The following DPP6 variants were observed in gnomAD, a reference collection of about 807,000 sequenced individuals.
DPP6 encodes the protein A-type potassium channel modulatory protein DPP6.
A neutral mutation model predicts 122.6 loss-of-function variants in DPP6; 69 were observed. The observed-to-expected ratio is 0.56, with a 90% CI of 0.46 to 0.69. DPP6 has a LOEUF of 0.69. Ranked by LOEUF, DPP6 falls within the 30% of genes least tolerant of loss-of-function variation. The probability of loss-of-function intolerance (pLI) is 0.00; values close to 1 mark genes in which losing one functional copy is unlikely to be tolerated. For missense variants in DPP6, 928 were observed against 1,116.9 expected (o/e 0.83, Z 2.41); for synonymous variants, 418 against 433.1 (o/e 0.97, Z 0.43).
chr7:153,849,452 G>A, the DPP6 span, among the ~76,000 whole-genome samples: 5 of 152,052 alleles, frequency 3.3e-5, no homozygotes, highest in East Asian at 9.7e-4. Flanking sequence ...ACCAGGATTT[G>A]TCTCATTTCC....
At position 154,669,632 on chromosome 7, in the gene DPP6, T is replaced by C. The variant is rs1054756775; in HGVS notation, c.762+191T>C. Among the ~76,000 whole-genome samples the C allele has an allele frequency of 2.0e-5, 3 of 152,116 alleles. No homozygotes were observed. The East Asian group carries it at 5.8e-4, about 29-fold the overall frequency. ...TGTAAAAGGGTCATTTCTTTTTAGA[T>C]AGCAAATTCTCCTAAAATTGGAACA... is the stretch of plus-strand genomic sequence containing the variant. On this transcript the variant is annotated intron_variant, in intron 7 of 25. Transcript: ENST00000377770.
intron 2 of DPP6, among the ~76,000 whole-genome samples, chr7:154,450,633 A>C (rs372651834): frequency 6.6e-6 from 1 of 152,164 alleles, no homozygotes; most frequent in Non-Finnish European, 1.5e-5. Flanking sequence ...GTTGCCTGGA[A>C]CAATCAGGCT....
intron 8 of DPP6, among the ~76,000 whole-genome samples, chr7:154,735,705 GA>G (rs1365772107): frequency 6.6e-6 from 1 of 152,236 alleles, no homozygotes; most frequent in African/African-American, 2.4e-5. Flanking sequence ...GCTCTGACCA[GA>G]AAATGGCTGA....
chr7:154,702,577 C>T (rs973835659), intron 7 of DPP6, among the ~76,000 whole-genome samples: 1 of 152,176 alleles, frequency 6.6e-6, no homozygotes, highest in East Asian at 1.9e-4. Flanking sequence ...TACAGTATTC[C>T]CTGAAGCCAA....
chr7:153,917,330 C>T (rs1481071595), intron 1 of DPP6, among the ~76,000 whole-genome samples: 1 of 152,212 alleles, frequency 6.6e-6, no homozygotes, highest in African/African-American at 2.4e-5. Flanking sequence ...GAACAAATGT[C>T]CTCTTTGCTA....
At chr7:153,907,184 A>T (rs543201578) in intron 1 of DPP6, among the ~76,000 whole-genome samples, 1 of 152,264 alleles carries the variant, frequency 6.6e-6, no homozygotes, top group East Asian at 1.9e-4. Context: ...TTGACTTTCA[A>T]ATAATGGCTT....
At position 154,685,029 on chromosome 7, in the gene DPP6, C is replaced by T. The variant is rs1201855948; in HGVS notation, c.762+15588C>T. Among the ~76,000 whole-genome samples, 4 of 152,300 alleles carry T rather than the reference C, an allele frequency of 2.6e-5. No individual in the cohort carries two copies. In the South Asian group the frequency reaches 6.2e-4, roughly 24 times the overall value. ...ATTAATCAGTCAATGGAAAAGCAAA[C>T]GATCTATACCAGGCTGATGAACTAT... On this transcript the variant is annotated intron_variant, in intron 7 of 25. Transcript: ENST00000377770.
intron 3 of DPP6, among the ~76,000 whole-genome samples, chr7:154,499,754 C>G (rs1012227289): frequency 5.9e-5 from 9 of 152,068 alleles, no homozygotes; most frequent in Admixed American, 2.0e-4. Flanking sequence ...CCCACCAACC[C>G]CCCCAGATCC....
rs548053204 is a variant in DPP6 at position 154,433,136 on chromosome 7, G to GTTTTT, written c.244-13055_244-13051dup. On this transcript the variant is annotated intron_variant, in intron 1 of 25. Coordinates refer to ENST00000377770, the MANE Select transcript of DPP6 (RefSeq NM_130797.4). ...TAATGGCTCTCATACTAGACTGCAA[G>GTTTTT]TTTTTTTTTTTTTTTTTTTTTTTTT... is the stretch of plus-strand genomic sequence containing the variant. Among the ~76,000 whole-genome samples the GTTTTT allele has an allele frequency of 9.2e-3, 668 of 72,338 alleles. 139 individuals are homozygous for GTTTTT. The highest frequency in any genetic ancestry group is 0.036 in the African/African-American group (606 of 16,816). The allele number at this position is 72,338 out of a possible 152,430, so 47.5% of individuals were successfully genotyped here. A position where few individuals can be genotyped will look rare whatever the true frequency, so the allele number is the denominator to read the frequency against.
At position 154,088,326 on chromosome 7, in the gene DPP6, C is replaced by T. The variant is rs866314781; in HGVS notation, c.243+35263C>T. ...CACGTGGCAACACCAACCACGATGC[C>T]TGCCGTTTTCCCTGAGATGTTCTGT... On this transcript the variant is annotated intron_variant, in intron 1 of 25. Coordinates refer to ENST00000377770, the MANE Select transcript of DPP6 (RefSeq NM_130797.4). 8.3e-4 allele frequency among the ~76,000 whole-genome samples: 120 copies of T among 144,706 alleles called. 11 individuals are homozygous for T. Among genetic ancestry groups the T allele is most frequent in the Middle Eastern group, 7.2e-3 (2 of 276 alleles). 94.9% of individuals were successfully genotyped at this position (144,706 alleles called of 152,430 possible). A position where few individuals can be genotyped will look rare whatever the true frequency, so the allele number is the denominator to read the frequency against.
At chr7:154,298,541 C>T (rs540954247) in intron 1 of DPP6, among the ~76,000 whole-genome samples, 2 of 152,270 alleles carry the variant, frequency 1.3e-5, no homozygotes, top group South Asian at 2.1e-4. Context: ...CCAGATCACC[C>T]GGGTGTGATT....
At chr7:154,001,017 T>A (rs1233344924) in intron 1 of DPP6, among the ~76,000 whole-genome samples, 1 of 152,198 alleles carries the variant, frequency 6.6e-6, no homozygotes, top group African/African-American at 2.4e-5. Context: ...GGTTTCCTTC[T>A]TGGACACTGA....
chr7:154,218,154 G>A (rs1239086896), intron 1 of DPP6, among the ~76,000 whole-genome samples: 1 of 152,132 alleles, frequency 6.6e-6, no homozygotes, highest in Non-Finnish European at 1.5e-5. Context: ...CATTGACACT[G>A]TCTTTGAATA....
chr7:154,103,491 C>A lies in DPP6; in HGVS notation c.243+50428C>A, dbSNP rs942274870. Among the ~76,000 whole-genome samples, 11 of 147,368 alleles carry A rather than the reference C, an allele frequency of 7.5e-5. 1 individual carries two copies. The highest frequency in any genetic ancestry group is 6.8e-4 in the Admixed American group (10 of 14,688). ...GCAGGGCACCACTGGCCAGCTCCCC[C>A]CTCTCCAATTTTTCTTCTGTTGCCG... is the stretch of plus-strand genomic sequence containing the variant. On this transcript the variant is annotated intron_variant, in intron 1 of 25. Transcript: ENST00000377770.
chr7:154,399,417 T>C (rs1031371666), intron 1 of DPP6, among the ~76,000 whole-genome samples: 5 of 152,232 alleles, frequency 3.3e-5, no homozygotes, highest in Non-Finnish European at 7.3e-5. Context: ...TTTCAAAGAC[T>C]CCATTATTAT....
At position 153,896,223 on chromosome 7, in the gene DPP6, G is replaced by A. The variant is rs145357377; in HGVS notation, c.51+8489G>A. ...ATTGGTCCTATATAAACAACTTTTA[G>A]TAAAACCTCCACTGACAGAAACTCA... On this transcript the variant is annotated intron_variant, in intron 1 of 25. Coordinates refer to the DPP6 transcript ENST00000404039. Among the ~76,000 whole-genome samples, 362 of 152,244 alleles carry A rather than the reference G, an allele frequency of 2.4e-3. 2 individuals are homozygous for A. The highest frequency in any genetic ancestry group is 7.8e-3 in the African/African-American group (326 of 41,536).
chr7:154,645,187 G>A (rs1052013681), intron 6 of DPP6, among the ~76,000 whole-genome samples: 8 of 150,576 alleles, frequency 5.3e-5, no homozygotes, highest in Non-Finnish European at 1.2e-4. Context: ...CTCAGCCTCC[G>A]GAGTAGTAGC....
At chr7:154,650,620 G>A (rs917357920) in intron 6 of DPP6, among the ~76,000 whole-genome samples, 2 of 152,194 alleles carry the variant, frequency 1.3e-5, no homozygotes, top group Non-Finnish European at 2.9e-5. Context: ...TGTTGATTGA[G>A]TCGAGCTGTC....
At chr7:153,977,527 G>A (rs1652431826) in intron 1 of DPP6, among the ~76,000 whole-genome samples, 1 of 151,964 alleles carries the variant, frequency 6.6e-6, no homozygotes, top group African/African-American at 2.4e-5. Context: ...CTTTCTCCAG[G>A]CCCCAGCCTC....
Sources: allele counts gnomAD v4.1 joint callset (sites outside exome capture counted in the v4.1 genomes callset), GRCh38; gene constraint gnomAD v4.1.1; transcripts MANE v1.5; gene names NCBI Gene and HGNC (gene_info 2026-07-23, HGNC 2026-07-21).